The following PIP5K1B variants were observed in gnomAD, a reference collection of about 807,000 sequenced individuals.
The protein encoded by PIP5K1B is phosphatidylinositol-4-phosphate 5-kinase type 1 beta, also known as phosphatidylinositol 4-phosphate 5-kinase type-1 beta.
Under a neutral mutation model 67.0 loss-of-function variants are expected in PIP5K1B, and 42 were observed. The observed-to-expected ratio is 0.63, with a 90% CI of 0.49 to 0.81. PIP5K1B has a LOEUF of 0.81. Ranked by LOEUF, PIP5K1B falls within the 30% of genes least tolerant of loss-of-function variation. The pLI is 0.00. For missense variants in PIP5K1B, 459 were observed against 646.3 expected, an observed-to-expected ratio of 0.71 and a Z score of 3.14; for synonymous variants, 214 against 231.4, an observed-to-expected ratio of 0.92 and a Z score of 0.68.
chr9:68,719,161 A>G (rs761930239), intron 1 of PIP5K1B, among the ~76,000 whole-genome samples: 1 of 152,112 alleles, frequency 6.6e-6, no homozygotes, highest in Non-Finnish European at 1.5e-5. Flanking sequence ...AGGCTGTGAT[A>G]GGCATGCTTT....
chr9:68,919,467 C>T lies in PIP5K1B; in HGVS notation c.984-12C>T, dbSNP rs1248286896. 2.2e-6 allele frequency: 3 copies of T among 1,393,598 alleles called. No homozygotes were observed. The highest frequency in any genetic ancestry group is 4.1e-5 in the Admixed American group (2 of 49,068). The allele number at this position is 1,393,598 out of a possible 1,614,324, so 86.3% of individuals were successfully genotyped here. The stretch of plus-strand genomic sequence containing the variant: ...ATGTAATCAAATATTTTCTCTTTTG[C>T]TCCATCAACAGAATGGGAGGCATTC... On this transcript the variant is annotated splice_polypyrimidine_tract_variant and intron_variant, in intron 9 of 15. Coordinates refer to ENST00000265382, the MANE Select transcript of PIP5K1B (RefSeq NM_003558.4).
At chr9:68,935,110 G>T in intron 13 of PIP5K1B, 65 bp downstream of exon 13, 1 of 1,402,330 alleles carries the variant, frequency 7.1e-7, no homozygotes, top group Non-Finnish European at 9.9e-7. Flanking sequence ...AAGTAAATTT[G>T]CAGAAGAAAA....
At chr9:68,813,004 G>A (rs574272112) in intron 2 of PIP5K1B, among the ~76,000 whole-genome samples, 12 of 152,324 alleles carry the variant, frequency 7.9e-5, no homozygotes, top group Non-Finnish European at 1.6e-4. Flanking sequence ...AGACTAACAT[G>A]AAACTACTCA....
intron 4 of PIP5K1B, among the ~76,000 whole-genome samples, chr9:68,826,731 C>T (rs1587512285): frequency 6.6e-6 from 1 of 152,232 alleles, no homozygotes; most frequent in East Asian, 1.9e-4. Flanking sequence ...TGAGTAAGTG[C>T]CAAGACAAGT....
chr9:68,879,569 A>AAAAAAT lies in PIP5K1B; in HGVS notation c.318+2791_318+2796dup, dbSNP rs1276694637. Among the ~76,000 whole-genome samples the AAAAAAT allele has an allele frequency of 2.8e-3, 425 of 152,276 alleles. 3 individuals are homozygous for AAAAAAT. Among genetic ancestry groups the AAAAAAT allele is most frequent in the African/African-American group, 9.8e-3 (407 of 41,528 alleles). ...GGTGACAGAGCAAGACTCCATCTCA[A>AAAAAAT]AAAAATAAAAATAAAAATAAATAAA... On this transcript the variant is annotated intron_variant, in intron 6 of 15. Coordinates refer to ENST00000265382, the MANE Select transcript of PIP5K1B (RefSeq NM_003558.4).
chr9:68,918,340 T>TCC, intron 9 of PIP5K1B, among the ~76,000 whole-genome samples: 1 of 152,184 alleles, frequency 6.6e-6, no homozygotes, highest in Admixed American at 6.5e-5. Context: ...TCCACCTGCC[T>TCC]TGGCTTCCCA....
chr9:68,926,385 G>T (rs1826701592), intron 12 of PIP5K1B, among the ~76,000 whole-genome samples: 1 of 152,026 alleles, frequency 6.6e-6, no homozygotes, highest in African/African-American at 2.4e-5. Context: ...GGAACAAGTT[G>T]TTTAACTCAC....
intron 2 of PIP5K1B, among the ~76,000 whole-genome samples, chr9:68,771,554 C>A (rs996738389): frequency 6.6e-6 from 1 of 152,182 alleles, no homozygotes; most frequent in African/African-American, 2.4e-5. Context: ...ACTTAGTTAA[C>A]CTCTCCTCTC....
At chr9:68,792,820 T>C (rs1330442900) in intron 2 of PIP5K1B, among the ~76,000 whole-genome samples, 1 of 152,170 alleles carries the variant, frequency 6.6e-6, no homozygotes, top group African/African-American at 2.4e-5. Context: ...AGATTCTTAG[T>C]GGAACAAGTT....
At chr9:68,794,387 T>G (rs1832169235) in intron 2 of PIP5K1B, among the ~76,000 whole-genome samples, 1 of 101,738 alleles carries the variant, frequency 9.8e-6, no homozygotes, top group Admixed American at 9.9e-5. Context: ...AAATGACAGT[T>G]TCTTTTCTTT....
chr9:68,918,773 A>G (rs568971084), intron 9 of PIP5K1B, among the ~76,000 whole-genome samples: 13 of 152,336 alleles, frequency 8.5e-5, no homozygotes, highest in Middle Eastern at 3.4e-3. Context: ...TATTTTTTGA[A>G]AAGTTCTTTC....
At chr9:68,721,078 G>A (rs1447451204) in intron 1 of PIP5K1B, among the ~76,000 whole-genome samples, 1 of 152,186 alleles carries the variant, frequency 6.6e-6, no homozygotes, top group East Asian at 1.9e-4. Flanking sequence ...GGCTGTGGGT[G>A]GAATAAGATA....
At chr9:68,905,659 T>G (rs888002790) in intron 8 of PIP5K1B, among the ~76,000 whole-genome samples, 6 of 152,210 alleles carry the variant, frequency 3.9e-5, no homozygotes, top group Non-Finnish European at 8.8e-5. Flanking sequence ...GACATGACCT[T>G]GTCTTCCTCC....
chr9:68,709,792 C>T (rs971315260), intron 1 of PIP5K1B, among the ~76,000 whole-genome samples: 6 of 152,226 alleles, frequency 3.9e-5, no homozygotes, highest in South Asian at 4.1e-4. Context: ...TGCCTGTGGT[C>T]CCAGCTACTT....
At chr9:68,781,069 G>T in intron 2 of PIP5K1B, 2 of 1,573,654 alleles carry the variant, frequency 1.3e-6, no homozygotes, top group South Asian at 1.2e-5. Context: ...TGGAGAGAGA[G>T]AATAATCTAG....
chr9:68,766,944 A>C (rs1830456389), intron 2 of PIP5K1B, among the ~76,000 whole-genome samples: 1 of 152,192 alleles, frequency 6.6e-6, no homozygotes. Flanking sequence ...AATGTTATCA[A>C]AAGATGCTTT....
chr9:68,855,039 G>T (rs1822696550), intron 4 of PIP5K1B, among the ~76,000 whole-genome samples: 6 of 152,302 alleles, frequency 3.9e-5, no homozygotes, highest in Admixed American at 3.3e-4. Context: ...GCTAGATCCA[G>T]ATTTAGGTTT....
At chr9:68,809,796 G>T (rs1458279188) in intron 2 of PIP5K1B, among the ~76,000 whole-genome samples, 2 of 152,128 alleles carry the variant, frequency 1.3e-5, no homozygotes, top group Non-Finnish European at 2.9e-5. Context: ...AGCCCCACAG[G>T]CTGACTTATG....
At chr9:68,883,975 A>T (rs1170594634) in intron 6 of PIP5K1B, among the ~76,000 whole-genome samples, 1 of 152,150 alleles carries the variant, frequency 6.6e-6, no homozygotes, top group Non-Finnish European at 1.5e-5. Flanking sequence ...TTGGACCCTT[A>T]CCTCACATCA....
Sources: allele counts gnomAD v4.1 joint callset (sites outside exome capture counted in the v4.1 genomes callset), GRCh38; gene constraint gnomAD v4.1.1; transcripts MANE v1.5; gene names NCBI Gene and HGNC (gene_info 2026-07-23, HGNC 2026-07-21).